DNAJB5: variants seen among roughly 807,000 people sequenced by gnomAD.
The protein encoded by DNAJB5 is DnaJ heat shock protein family (Hsp40) member B5.
In DNAJB5, 12 loss-of-function variants were observed where a neutral mutation model predicts 32.6. That is an observed-to-expected ratio of 0.37 (90% confidence interval 0.24 to 0.60). The LOEUF (loss-of-function observed/expected upper bound fraction) is 0.60, where lower values mean the gene tolerates loss of function less well. Ranked by LOEUF, DNAJB5 falls within the 20% of genes least tolerant of loss-of-function variation. The pLI, the probability that DNAJB5 is intolerant of heterozygous loss-of-function variation, is 0.71. For synonymous variants in DNAJB5, 188 were observed against 212.9 expected, an observed-to-expected ratio of 0.88 and a Z score of 1.02; for missense variants, 358 against 554.2, an observed-to-expected ratio of 0.65 and a Z score of 3.55.
rs147075313 is a variant in DNAJB5 at position 34,997,674 on chromosome 9, A to G, written c.*415A>G. On this transcript the variant is annotated 3_prime_UTR_variant, in exon 5 of 5. Coordinates refer to ENST00000682809, the MANE Select transcript of DNAJB5 (RefSeq NM_001349723.3). The surrounding 1 kb of genome is among the most constrained non-coding windows in gnomAD (Gnocchi z 4.1). Reference sequence around the variant, plus strand: ...CCTGCTGTTGGGGGTGGAAAAGACTAGAAAGGACATTGCTTTCTCAGCCCC... The same window carrying G: ...CCTGCTGTTGGGGGTGGAAAAGACTGGAAAGGACATTGCTTTCTCAGCCCC... 1.2e-4 allele frequency: 41 copies of G among 352,112 alleles called. No individual in the cohort carries two copies. In the East Asian group the frequency reaches 3.0e-3, roughly 25 times the overall value. The allele number at this position is 352,112 out of a possible 1,614,324, so 21.8% of individuals were successfully genotyped here. A position where few individuals can be genotyped will look rare whatever the true frequency, so the allele number is the denominator to read the frequency against.
At position 34,990,187 on chromosome 9, in the gene DNAJB5, G is replaced by T; in HGVS notation, c.-132-312G>T. 4.8e-6 allele frequency: 4 copies of T among 834,768 alleles called. No individual in the cohort carries two copies. Among genetic ancestry groups the T allele is most frequent in the Non-Finnish European group, 3.3e-6 (2 of 608,172 alleles). The allele number at this position is 834,768 out of a possible 1,614,324, so 51.7% of individuals were successfully genotyped here. On this transcript the variant is annotated intron_variant, in intron 1 of 4. Transcript: ENST00000682809. The surrounding 1 kb of genome is among the most constrained non-coding windows in gnomAD (Gnocchi z 4.5). ...CCCTCCTCTCCTCGCCGCGCCTTTT[G>T]TCCCGGCCGAGCTCCGCTCTGCCCC... is the stretch of plus-strand genomic sequence containing the variant.
At position 34,997,903 on chromosome 9, in the gene DNAJB5, C is replaced by G. The variant is rs763729483; in HGVS notation, c.*644C>G. ...CCTCAGCAGCCTCCGTAACAGCTGC[C>G]CTGCCTACACCTGCAGAGCTGGAGG... On this transcript the variant is annotated 3_prime_UTR_variant, in exon 5 of 5. Transcript: ENST00000682809. The surrounding 1 kb of genome is among the most constrained non-coding windows in gnomAD (Gnocchi z 4.1). 2.7e-5 allele frequency: 5 copies of G among 183,798 alleles called. No homozygotes were observed. The highest frequency in any genetic ancestry group is 5.8e-5 in the Non-Finnish European group (5 of 86,340). The allele number at this position is 183,798 out of a possible 1,614,324, so 11.4% of individuals were successfully genotyped here. A position where few individuals can be genotyped will look rare whatever the true frequency, so the allele number is the denominator to read the frequency against.
chr9:34,997,843 C>G lies in DNAJB5; in HGVS notation c.*584C>G, dbSNP rs986883349. 9 of 201,628 alleles carry G rather than the reference C, an allele frequency of 4.5e-5. No homozygotes were observed. The highest frequency in any genetic ancestry group is 3.7e-4 in the Admixed American group (7 of 18,904). The allele number at this position is 201,628 out of a possible 1,614,324, so 12.5% of individuals were successfully genotyped here. A position where few individuals can be genotyped will look rare whatever the true frequency, so the allele number is the denominator to read the frequency against. On this transcript the variant is annotated 3_prime_UTR_variant, in exon 5 of 5. Transcript: ENST00000682809. The surrounding 1 kb of genome is among the most constrained non-coding windows in gnomAD (Gnocchi z 4.1). ...CAACCTGTGAACAGGGACTTGAGCACGAGACACTTTTCATCTGGAGCAGGG... is the reference window on the plus strand; with the variant it reads ...CAACCTGTGAACAGGGACTTGAGCAGGAGACACTTTTCATCTGGAGCAGGG...
Position 34,996,250 on chromosome 9 carries a change from TCTC to T in DNAJB5, c.428-10_428-8del, listed in dbSNP as rs755790761. 27 of 1,604,362 alleles carry T rather than the reference TCTC, an allele frequency of 1.7e-5. No homozygotes were observed. The highest frequency in any genetic ancestry group is 2.2e-5 in the Non-Finnish European group (26 of 1,174,198). On this transcript the variant is annotated splice_polypyrimidine_tract_variant and intron_variant, in intron 3 of 4. Transcript: ENST00000682809. The surrounding 1 kb of genome is among the most constrained non-coding windows in gnomAD (Gnocchi z 7.2). ...AGAATAAGCCACACTGCCCCTAACT[TCTC>T]CTCCCCTCTAGGCCTGAAGACCGGC...
chr9:34,991,883 G>A, intron 2 of DNAJB5: 1 of 174,778 alleles, frequency 5.7e-6, no homozygotes, highest in South Asian at 1.2e-4. Context: ...GAGGGCCATT[G>A]TCCCTGCCCA....
chr9:34,996,211 C>T lies in DNAJB5; in HGVS notation c.428-54C>T. 8 of 1,566,194 alleles carry T rather than the reference C, an allele frequency of 5.1e-6. No individual in the cohort carries two copies. The highest frequency in any genetic ancestry group is 3.6e-5 in the Admixed American group (2 of 55,156). On this transcript the variant is annotated intron_variant, in intron 3 of 4. Coordinates refer to ENST00000682809, the MANE Select transcript of DNAJB5 (RefSeq NM_001349723.3). This position sits in a 1 kb window ranked among gnomAD's most constrained non-coding sequence, Gnocchi z 7.2. ...GGAGCTAGAGGGCAGGGGGAAGACA[C>T]TGGGATTGGGGCCAGAATAAGCCAC...
At chr9:34,991,673 C>CCCA (rs1554662730) in intron 2 of DNAJB5, 24 of 236,752 alleles carry the variant, frequency 1.0e-4, no homozygotes, top group Admixed American at 2.3e-4. Context: ...CGGTTGCCCC[C>CCCA]CCCCCCAACG....
chr9:34,995,695 G>GGTTTTTAA (rs1563951083), intron 3 of DNAJB5, among the ~76,000 whole-genome samples: 2 of 152,178 alleles, frequency 1.3e-5, no homozygotes, highest in Non-Finnish European at 2.9e-5. Flanking sequence ...CACTTTTTAA[G>GGTTTTTAA]GCTTCCTGAT....
chr9:34,998,809 C>CTTTTTTT (rs773947205), downstream of DNAJB5: 1 of 108,154 alleles, frequency 9.2e-6, no homozygotes, highest in Admixed American at 1.0e-4. Context: ...GGGTGGAGAA[C>CTTTTTTT]TTTTTTTTTT....
In DNAJB5 at chr9:34,996,693, G is replaced by C; in HGVS notation, c.856G>C (p.Val286Leu). ...CACCGAGGACAAGATCCTGCACATA[G>C]TCATCAAGCGTGGCTGGAAGGAAGG... is the stretch of plus-strand genomic sequence containing the variant. The part of the protein sequence containing the change: ...VRTEDKILHI[V>L]IKRGWKEGTK... Residue 286 changes from valine to leucine, a missense_variant, in exon 4 of 5, where the codon GTC becomes CTC. Val to Leu is a conservative substitution (Grantham distance 32). Coordinates refer to ENST00000682809, the MANE Select transcript of DNAJB5 (RefSeq NM_001349723.3). The surrounding 1 kb of genome is among the most constrained non-coding windows in gnomAD (Gnocchi z 7.2). 6.2e-7 allele frequency: 1 copy of C among 1,614,160 alleles called. No individual in the cohort carries two copies. Among genetic ancestry groups the C allele is most frequent in the Non-Finnish European group, 8.5e-7 (1 of 1,180,016 alleles).
Position 34,990,454 on chromosome 9 carries a change from G to A in DNAJB5, c.-132-45G>A, listed in dbSNP as rs1353452634. ...CAGACACTGCTGCACCTGAGAGCAG[G>A]TGGCCGCGGGTCTTCTCCCTTCACT... On this transcript the variant is annotated intron_variant, in intron 1 of 4. Transcript: ENST00000682809. This position sits in a 1 kb window ranked among gnomAD's most constrained non-coding sequence, Gnocchi z 4.5. The A allele has an allele frequency of 1.3e-6, 2 of 1,534,640 alleles. No individual in the cohort carries two copies. The highest frequency in any genetic ancestry group is 1.7e-6 in the Non-Finnish European group (2 of 1,146,190).
rs954483399 is a variant in DNAJB5, at chr9:34,996,138, C to G, written c.428-127C>G. 1.6e-6 allele frequency: 2 copies of G among 1,278,244 alleles called. No homozygotes were observed. Among genetic ancestry groups the G allele is most frequent in the Non-Finnish European group, 2.1e-6 (2 of 947,344 alleles). The allele number at this position is 1,278,244 out of a possible 1,614,324, so 79.2% of individuals were successfully genotyped here. A position where few individuals can be genotyped will look rare whatever the true frequency, so the allele number is the denominator to read the frequency against. On this transcript the variant is annotated intron_variant, in intron 3 of 4. Transcript: ENST00000682809. This position sits in a 1 kb window ranked among gnomAD's most constrained non-coding sequence, Gnocchi z 7.2. ...CCTTTCTTACTCTATTAGCCTGGCC[C>G]TCTCTGTGGGATTTAAAGGTTGCTT...
At chr9:34,994,159 G>A (rs553666894) in intron 3 of DNAJB5, among the ~76,000 whole-genome samples, 2 of 152,288 alleles carry the variant, frequency 1.3e-5, no homozygotes, top group East Asian at 1.9e-4. Flanking sequence ...CCTGCCACCC[G>A]CCAGCCACAG....
At position 34,990,968 on chromosome 9, in the gene DNAJB5, A is replaced by G. The variant is rs1827612727; in HGVS notation, c.182+156A>G. On this transcript the variant is annotated intron_variant, in intron 2 of 4. Coordinates refer to ENST00000682809, the MANE Select transcript of DNAJB5 (RefSeq NM_001349723.3). The surrounding 1 kb of genome is among the most constrained non-coding windows in gnomAD (Gnocchi z 4.5). ...CGGCCTCACCCACATATTTGAATGA[A>G]TTGCACCCCTTATCATTCCTTTTCT... 1.4e-6 allele frequency: 1 copy of G among 707,332 alleles called. No individual in the cohort carries two copies. Among genetic ancestry groups the G allele is most frequent in the African/African-American group, 1.8e-5 (1 of 55,848 alleles). The allele number at this position is 707,332 out of a possible 1,614,324, so 43.8% of individuals were successfully genotyped here.
chr9:34,998,143 C>T lies in DNAJB5; in HGVS notation c.*884C>T, dbSNP rs117965994. 0.027 allele frequency: 4,183 copies of T among 152,642 alleles called. 80 individuals are homozygous for T. Among genetic ancestry groups the T allele is most frequent in the Middle Eastern group, 0.054 (16 of 294 alleles). 9.5% of individuals were successfully genotyped at this position (152,642 alleles called of 1,614,324 possible). A position where few individuals can be genotyped will look rare whatever the true frequency, so the allele number is the denominator to read the frequency against. ...CTCTGAACTCAGGGCCTAGCCACCC[C>T]CAAACTTCCAAATCCCACTTTTGTG... On this transcript the variant is annotated 3_prime_UTR_variant, in exon 5 of 5. Transcript: ENST00000682809.
At position 34,993,209 on chromosome 9, in the gene DNAJB5, G is replaced by T; in HGVS notation, c.192G>T (p.Glu64Asp). 6.2e-7 allele frequency: 1 copy of T among 1,612,818 alleles called. No homozygotes were observed. The highest frequency in any genetic ancestry group is 1.1e-5 in the South Asian group (1 of 90,970). The change falls in exon 3 of 5, where the codon GAG becomes GAT. Residue 64 changes from glutamate (E) to aspartate (D), a missense_variant. Coordinates refer to ENST00000682809, the MANE Select transcript of DNAJB5 (RefSeq NM_001349723.3). The surrounding 1 kb of genome is among the most constrained non-coding windows in gnomAD (Gnocchi z 4.7). Reference protein sequence around the residue: ...LNGFVKFRNKETSAGPVAVMG... With the variant: ...LNGFVKFRNKDTSAGPVAVMG... ...CCTGGGTTTCTTTCAGAAACAAGGAGACCAGTGCTGGTCCAGTGGCTGTGA... is the reference window on the plus strand; with the variant it reads ...CCTGGGTTTCTTTCAGAAACAAGGATACCAGTGCTGGTCCAGTGGCTGTGA...
chr9:34,992,995 G>A (rs1003511299), intron 2 of DNAJB5: 51 of 1,406,714 alleles, frequency 3.6e-5, no homozygotes, highest in African/African-American at 1.0e-4. Context: ...AGGTGAGGAC[G>A]GAATCACAGA....
At chr9:34,991,800 C>T (rs565985344) in intron 2 of DNAJB5, 4 of 202,060 alleles carry the variant, frequency 2.0e-5, no homozygotes, top group Admixed American at 1.1e-4. Context: ...GCCTTTTCTT[C>T]GTCAGAGAAA....
At position 34,997,356 on chromosome 9, in the gene DNAJB5, A is replaced by G. The variant is rs768131436; in HGVS notation, c.*97A>G. 4 of 1,335,498 alleles carry G rather than the reference A, an allele frequency of 3.0e-6. No homozygotes were observed. In the South Asian group the frequency reaches 4.7e-5, roughly 16 times the overall value. The allele number at this position is 1,335,498 out of a possible 1,614,324, so 82.7% of individuals were successfully genotyped here. A position where few individuals can be genotyped will look rare whatever the true frequency, so the allele number is the denominator to read the frequency against. On this transcript the variant is annotated 3_prime_UTR_variant, in exon 5 of 5. Transcript: ENST00000682809. The surrounding 1 kb of genome is among the most constrained non-coding windows in gnomAD (Gnocchi z 4.1). ...GCTTGATGTCCACTGGACACTGGCA[A>G]CTTTTTCTAAAATGCAAAAAAAAGC...
Sources: gnomAD v4.1 joint callset for allele counts (sites outside exome capture counted in the v4.1 genomes callset) on GRCh38, gnomAD v4.1.1 for gene constraint, Gnocchi (gnomAD v3.1) non-coding constraint, MANE v1.5 for transcripts, NCBI Gene and HGNC (gene_info 2026-07-23, HGNC 2026-07-21) for gene names.